SCUBE3: variants seen among roughly 807,000 people sequenced by gnomAD.
The protein encoded by SCUBE3 is signal peptide, CUB domain and EGF like domain containing 3, also known as signal peptide, CUB and EGF-like domain-containing protein 3.
A neutral mutation model predicts 116.8 loss-of-function variants in SCUBE3; 33 were observed. The ratio of observed to expected loss-of-function variants is 0.28; its 90% CI spans 0.21 to 0.38. The LOEUF is 0.38. SCUBE3 is among the 10% of genes least tolerant of loss of function. The pLI, the probability that SCUBE3 is intolerant of heterozygous loss-of-function variation, is 1.00. For missense variants in SCUBE3, 1,007 were observed against 1,324.8 expected, an observed-to-expected ratio of 0.76 and a Z score of 3.72; for synonymous variants, 418 against 496.9, an observed-to-expected ratio of 0.84 and a Z score of 2.11.
In SCUBE3 at chr6:35,231,685, C is replaced by T; in HGVS notation, c.335-40C>T. On this transcript the variant is annotated intron_variant, in intron 3 of 21. Transcript: ENST00000274938. This position sits in a 1 kb window ranked among gnomAD's most constrained non-coding sequence, Gnocchi z 4.2. ...GTCTTGGGATATACCCTGGACCCTG[C>T]CTGTACCCCATGACCCCACTGACTA... 1 of 1,571,420 alleles carries T rather than the reference C, an allele frequency of 6.4e-7. No individual in the cohort carries two copies. The highest frequency in any genetic ancestry group is 8.7e-7 in the Non-Finnish European group (1 of 1,150,130).
chr6:35,236,044 TG>T (rs980537600), intron 6 of SCUBE3, among the ~76,000 whole-genome samples: 1 of 152,228 alleles, frequency 6.6e-6, no homozygotes, highest in African/African-American at 2.4e-5. Flanking sequence ...ACTTTCTAAC[TG>T]TATGACCTTA....
In SCUBE3 at chr6:35,249,725, G is replaced by A. The variant is rs763465680; in HGVS notation, c.*1020G>A. The A allele has an allele frequency of 6.6e-6, 1 of 152,500 alleles. No homozygotes were observed. Among genetic ancestry groups the A allele is most frequent in the African/African-American group, 2.4e-5 (1 of 41,402 alleles). The allele number at this position is 152,500 out of a possible 1,614,324, so 9.4% of individuals were successfully genotyped here. A position where few individuals can be genotyped will look rare whatever the true frequency, so the allele number is the denominator to read the frequency against. On this transcript the variant is annotated 3_prime_UTR_variant, in exon 22 of 22. Coordinates refer to ENST00000274938, the MANE Select transcript of SCUBE3 (RefSeq NM_152753.4). ...CTTGCCCTACAGTTGTTTTTCCCTTGTAGCCCCAGCTGGCTTGTGGGCTTC... is the reference window on the plus strand; with the variant it reads ...CTTGCCCTACAGTTGTTTTTCCCTTATAGCCCCAGCTGGCTTGTGGGCTTC...
At chr6:35,217,630 G>T (rs1337863088) in intron 1 of SCUBE3, among the ~76,000 whole-genome samples, 1 of 151,638 alleles carries the variant, frequency 6.6e-6, no homozygotes, top group Non-Finnish European at 1.5e-5. Context: ...CGCTTCCCTG[G>T]GCTCCTGTGG....
Position 35,250,673 on chromosome 6 carries a change from A to C in SCUBE3, c.*1968A>C, listed in dbSNP as rs1460100473. The C allele has an allele frequency of 1.3e-5, 2 of 151,424 alleles. No individual in the cohort carries two copies. The highest frequency in any genetic ancestry group is 3.9e-4 in the East Asian group (2 of 5,168). The allele number at this position is 151,424 out of a possible 1,614,324, so 9.4% of individuals were successfully genotyped here. On this transcript the variant is annotated 3_prime_UTR_variant, in exon 22 of 22. Transcript: ENST00000274938. Reference sequence around the variant, plus strand: ...TAGTTCCCCCAAAGCTGTAGTCCCAATCAATCAAAGGCTACCAACTGAGTC... The same window carrying C: ...TAGTTCCCCCAAAGCTGTAGTCCCACTCAATCAAAGGCTACCAACTGAGTC...
intron 1 of SCUBE3, among the ~76,000 whole-genome samples, chr6:35,225,996 A>C (rs763155): frequency 0.89 from 135,656 of 152,218 alleles, 60,604 homozygotes; most frequent in East Asian, 0.99. Context: ...CCATTCAGTG[A>C]TCACTCACTT....
At position 35,243,670 on chromosome 6, in the gene SCUBE3, G is replaced by A; in HGVS notation, c.1986G>A (p.Glu662=). ...CATGCCCAGCGGGCACCTTCCAGGA[G>A]AGAGAAGGGCAGCTCTCCTGCGACC... ...CVPCPAGTFQ[E]REGQLSCDLC... Residue 662 remains glutamate, a synonymous_variant, in exon 16 of 22, where the codon GAG becomes GAA. Coordinates refer to ENST00000274938, the MANE Select transcript of SCUBE3 (RefSeq NM_152753.4). The surrounding 1 kb of genome is among the most constrained non-coding windows in gnomAD (Gnocchi z 6.6). 1 of 1,614,124 alleles carries A rather than the reference G, an allele frequency of 6.2e-7. No homozygotes were observed.
In SCUBE3 at chr6:35,233,141, C is replaced by T; in HGVS notation, c.596-44C>T. On this transcript the variant is annotated intron_variant, in intron 5 of 21. Transcript: ENST00000274938. The surrounding 1 kb of genome is among the most constrained non-coding windows in gnomAD (Gnocchi z 5.7). ...CCCACATTGTGGAAAACTGTGGATGCAGGGAGGAGCAAGCTGACAGGGCCC... is the reference window on the plus strand; with the variant it reads ...CCCACATTGTGGAAAACTGTGGATGTAGGGAGGAGCAAGCTGACAGGGCCC... 1.3e-6 allele frequency: 2 copies of T among 1,522,822 alleles called. No individual in the cohort carries two copies. The highest frequency in any genetic ancestry group is 1.7e-4 in the Middle Eastern group (1 of 5,852). 94.3% of individuals were successfully genotyped at this position (1,522,822 alleles called of 1,614,324 possible).
rs1783413778 is a variant in SCUBE3, at chr6:35,228,530, T to A, written c.209-84T>A. On this transcript the variant is annotated intron_variant, in intron 2 of 21. Transcript: ENST00000274938. This position sits in a 1 kb window ranked among gnomAD's most constrained non-coding sequence, Gnocchi z 4.9. ...CTTATAGGCCATGAACATAACTATG[T>A]AAACACAACCATAAGGCTGAGTCTG... The A allele has an allele frequency of 6.8e-7, 1 of 1,466,452 alleles. No homozygotes were observed. Among genetic ancestry groups the A allele is most frequent in the East Asian group, 2.3e-5 (1 of 42,976 alleles). 90.8% of individuals were successfully genotyped at this position (1,466,452 alleles called of 1,614,324 possible). A position where few individuals can be genotyped will look rare whatever the true frequency, so the allele number is the denominator to read the frequency against.
At chr6:35,242,124 C>A in intron 12 of SCUBE3, 80 bp from the exon 13 acceptor site, 1 of 1,069,456 alleles carries the variant, frequency 9.4e-7, no homozygotes, top group South Asian at 1.3e-5. Context: ...GGCTTATTAC[C>A]CAGCTTCTCA....
chr6:35,229,129 C>T (rs1014020851), intron 3 of SCUBE3, among the ~76,000 whole-genome samples: 2 of 152,132 alleles, frequency 1.3e-5, no homozygotes, highest in Non-Finnish European at 2.9e-5. Context: ...GGGGGTGGGA[C>T]CAGGTGTGGT....
chr6:35,248,287 T>TA (rs781271378), intron 21 of SCUBE3, among the ~76,000 whole-genome samples: 2 of 152,068 alleles, frequency 1.3e-5, no homozygotes, highest in Non-Finnish European at 1.5e-5. Flanking sequence ...GTAGAGTCAA[T>TA]AGGATTTGCT....
chr6:35,240,247 G>C lies in SCUBE3; in HGVS notation c.953-127G>C. 1 of 590,518 alleles carries C rather than the reference G, an allele frequency of 1.7e-6. No homozygotes were observed. The highest frequency in any genetic ancestry group is 3.0e-6 in the Non-Finnish European group (1 of 334,968). The allele number at this position is 590,518 out of a possible 1,614,324, so 36.6% of individuals were successfully genotyped here. Reference sequence around the variant, plus strand: ...GCATTGTTAAATCACTGGTCCTAGAGCTAGGACATGAATAGGAACTCTTCA... The same window carrying C: ...GCATTGTTAAATCACTGGTCCTAGACCTAGGACATGAATAGGAACTCTTCA... On this transcript the variant is annotated intron_variant, in intron 8 of 21. Coordinates refer to ENST00000274938, the MANE Select transcript of SCUBE3 (RefSeq NM_152753.4). This position sits in a 1 kb window ranked among gnomAD's most constrained non-coding sequence, Gnocchi z 4.6.
chr6:35,221,163 A>G (rs1322213156), intron 1 of SCUBE3: 2 of 152,194 alleles, frequency 1.3e-5, no homozygotes, highest in South Asian at 4.1e-4. Context: ...GTGCCCCATC[A>G]TTGAGAGTTA....
At chr6:35,238,085 AG>A (rs1478486735) in intron 7 of SCUBE3, 67 bp downstream of exon 7, 5 of 900,374 alleles carry the variant, frequency 5.6e-6, no homozygotes, top group Admixed American at 1.9e-5. Flanking sequence ...GACCAGAGAT[AG>A]GGTGCCTATT....
At position 35,243,612 on chromosome 6, in the gene SCUBE3, C is replaced by G. The variant is rs531556751; in HGVS notation, c.1928C>G (p.Thr643Arg). Residue 643 changes from threonine (T) to arginine (R), a missense_variant, in exon 16 of 22, where the codon ACG becomes AGG. Around this residue, in one of 5 missense-constraint regions of SCUBE3, gnomAD observed 544 missense variants for 638.9 expected, o/e 0.85. Transcript: ENST00000274938. This position sits in a 1 kb window ranked among gnomAD's most constrained non-coding sequence, Gnocchi z 6.6. Reference protein sequence around the residue: ...GTKCVSCPQGTYYHGQTEQCV... With the variant: ...GTKCVSCPQGRYYHGQTEQCV... ...CCCTCAGTCAGCTGCCCGCAGGGAA[C>G]GTATTACCACGGCCAGACGGAGCAG... 1.2e-5 allele frequency: 19 copies of G among 1,612,470 alleles called. No individual in the cohort carries two copies. The highest frequency in any genetic ancestry group is 3.3e-4 in the Middle Eastern group (2 of 6,048).
Position 35,240,854 on chromosome 6 carries a change from G to A in SCUBE3, c.1070-287G>A, listed in dbSNP as rs1784011361. On this transcript the variant is annotated intron_variant, in intron 9 of 21. Coordinates refer to ENST00000274938, the MANE Select transcript of SCUBE3 (RefSeq NM_152753.4). This position sits in a 1 kb window ranked among gnomAD's most constrained non-coding sequence, Gnocchi z 4.6. ...ACAGAGATAATTGGAGGAGGTTTGA[G>A]CTCTTCTCAGGCCAGTAGTCATCTT... Among the ~76,000 whole-genome samples the A allele has an allele frequency of 6.6e-6, 1 of 152,142 alleles. No individual in the cohort carries two copies. The highest frequency in any genetic ancestry group is 2.1e-4 in the South Asian group (1 of 4,820).
chr6:35,242,829 G>A, intron 14 of SCUBE3, 49 bp downstream of exon 14: 1 of 1,599,628 alleles, frequency 6.3e-7, no homozygotes, highest in Non-Finnish European at 8.6e-7. Flanking sequence ...GGAGGGCAGA[G>A]GTGGGGAAAC....
intron 1 of SCUBE3, among the ~76,000 whole-genome samples, chr6:35,220,096 A>G (rs540464212): frequency 6.6e-6 from 1 of 152,312 alleles, no homozygotes; most frequent in African/African-American, 2.4e-5. Context: ...CCACGGTTAT[A>G]TACTGGATGC....
Position 35,215,530 on chromosome 6 carries a change from A to C in SCUBE3, c.85+1027A>C, listed in dbSNP as rs538795025. ...AGAGTATGATTCTGCCTATTGTCCC[A>C]GGGGCTCCTGAAGCCAGCTGGGTGA... On this transcript the variant is annotated intron_variant, in intron 1 of 21. Coordinates refer to ENST00000274938, the MANE Select transcript of SCUBE3 (RefSeq NM_152753.4). Among the ~76,000 whole-genome samples the C allele has an allele frequency of 1.1e-3, 174 of 152,288 alleles. 1 individual carries two copies. Among genetic ancestry groups the C allele is most frequent in the Middle Eastern group, 6.8e-3 (2 of 294 alleles).
Sources: allele counts gnomAD v4.1 joint callset (sites outside exome capture counted in the v4.1 genomes callset), GRCh38; gene constraint gnomAD v4.1.1; regional missense constraint gnomAD v4.1.1; non-coding constraint Gnocchi (gnomAD v3.1); transcripts MANE v1.5; gene names NCBI Gene and HGNC (gene_info 2026-07-23, HGNC 2026-07-21).